CHD6: variants seen among roughly 807,000 people sequenced by gnomAD.
CHD6 encodes the protein chromodomain helicase DNA binding protein 6, also known as ATP-dependent chromatin remodeler CHD6.
A neutral mutation model predicts 276.9 loss-of-function variants in CHD6; 50 were observed. That is an observed-to-expected ratio of 0.18 (90% CI 0.14 to 0.23). The LOEUF (loss-of-function observed/expected upper bound fraction) is 0.23. Ranked by LOEUF, CHD6 falls within the 10% of genes least tolerant of loss-of-function variation. The pLI, the probability that CHD6 is intolerant of heterozygous loss-of-function variation, is 1.00. For missense variants in CHD6, 2,564 were observed against 3,365.8 expected, an observed-to-expected ratio of 0.76 and a Z score of 5.89; for synonymous variants, 1,173 against 1,229.3, an observed-to-expected ratio of 0.95 and a Z score of 0.96.
intron 27 of CHD6, among the ~76,000 whole-genome samples, chr20:41,435,568 C>T (rs2047679553): frequency 6.8e-6 from 1 of 147,872 alleles, no homozygotes; most frequent in African/African-American, 2.5e-5. Flanking sequence ...TGCATCACCA[C>T]ACTCCAGTCT....
At chr20:41,589,530 G>C (rs546174391) in intron 1 of CHD6, among the ~76,000 whole-genome samples, 15 of 152,288 alleles carry the variant, frequency 9.8e-5, no homozygotes, top group Admixed American at 5.2e-4. Context: ...TCGCAGGATA[G>C]AAAATCAATG....
intron 1 of CHD6, among the ~76,000 whole-genome samples, chr20:41,552,409 TAAGATTA>T (rs2045159772): frequency 6.6e-6 from 1 of 152,248 alleles, no homozygotes; most frequent in Non-Finnish European, 1.5e-5. Flanking sequence ...ATTAGAGCTT[TAAGATTA>T]AAGTGAGATA....
chr20:41,457,480 G>A lies in CHD6; in HGVS notation c.2665-52C>T, dbSNP rs780379442. The A allele has an allele frequency of 2.5e-6, 4 of 1,571,000 alleles. No homozygotes were observed. In the African/African-American group the frequency reaches 5.4e-5, roughly 21 times the overall value. On this transcript the variant is annotated intron_variant, in intron 17 of 36. Transcript: ENST00000373233. ...CACGTCACCGTATGTATAAACGGCAGCAACCCTGGGAATAGGGGAGTGCTT... is the reference window on the plus strand; with the variant it reads ...CACGTCACCGTATGTATAAACGGCAACAACCCTGGGAATAGGGGAGTGCTT...
chr20:41,586,259 C>T (rs1002573409), intron 1 of CHD6, among the ~76,000 whole-genome samples: 31 of 152,222 alleles, frequency 2.0e-4, no homozygotes, highest in African/African-American at 6.5e-4. Flanking sequence ...TACTGCTGAA[C>T]GCCGTCACAA....
In CHD6 at chr20:41,446,428, C is replaced by T. The variant is rs539445413; in HGVS notation, c.3774-660G>A. Among the ~76,000 whole-genome samples the T allele has an allele frequency of 2.3e-3, 292 of 126,314 alleles. 1 individual carries two copies. The highest frequency in any genetic ancestry group is 0.011 in the African/African-American group (274 of 24,594). 82.9% of individuals were successfully genotyped at this position (126,314 alleles called of 152,430 possible). A position where few individuals can be genotyped will look rare whatever the true frequency, so the allele number is the denominator to read the frequency against. ...GGCACAGACATGCAGGTGTTAGCCC[C>T]TCTCTGAGTTTCTGTAACGTGTTTG... On this transcript the variant is annotated intron_variant, in intron 24 of 36. Transcript: ENST00000373233.
intron 2 of CHD6, 85 bp downstream of exon 2, chr20:41,551,220 A>G (rs1349406572): frequency 2.3e-6 from 2 of 868,138 alleles, no homozygotes; most frequent in Non-Finnish European, 3.9e-6. Context: ...ATTAAGGGAT[A>G]AGCCAACACT....
In CHD6 at chr20:41,421,356, A is replaced by G. The variant is rs138633250; in HGVS notation, c.5279T>C (p.Phe1760Ser). Reference sequence around the variant, plus strand: ...TCCTCCTGCTTCTAAGCTACCCATAAAAGTAGGGCCAGAAGCTATTTCTGC... The same window carrying G: ...TCCTCCTGCTTCTAAGCTACCCATAGAAGTAGGGCCAGAAGCTATTTCTGC... ...PEAEIASGPT[F>S]MGSLEAGGVA... Residue 1760 changes from phenylalanine to serine, a missense_variant, in exon 31 of 37, where the codon TTT (phenylalanine) becomes TCT (serine). Around this residue, in one of 7 missense-constraint regions of CHD6, gnomAD observed 1,024 missense variants for 1,047.9 expected, o/e 0.98. Coordinates refer to ENST00000373233, the MANE Select transcript of CHD6 (RefSeq NM_032221.5). 6.2e-7 allele frequency: 1 copy of G among 1,613,876 alleles called. No homozygotes were observed. The highest frequency in any genetic ancestry group is 1.3e-5 in the African/African-American group (1 of 74,912).
intron 31 of CHD6, among the ~76,000 whole-genome samples, chr20:41,419,112 T>C (rs939735095): frequency 6.6e-5 from 10 of 152,200 alleles, no homozygotes; most frequent in African/African-American, 2.4e-4. Flanking sequence ...GGATCAGGCA[T>C]AGTTGTAGAC....
At chr20:41,475,750 G>T (rs562957562) in intron 16 of CHD6, among the ~76,000 whole-genome samples, 1 of 152,186 alleles carries the variant, frequency 6.6e-6, no homozygotes, top group Non-Finnish European at 1.5e-5. Context: ...AACACCCCTA[G>T]TCATCAGAGT....
At chr20:41,552,066 T>G (rs190451495) in intron 1 of CHD6, among the ~76,000 whole-genome samples, 34 of 152,302 alleles carry the variant, frequency 2.2e-4, no homozygotes, top group African/African-American at 7.5e-4. Flanking sequence ...CAAAAGTGTG[T>G]CGGGGCATTT....
intron 1 of CHD6, among the ~76,000 whole-genome samples, chr20:41,594,242 G>A (rs2045694444): frequency 6.6e-6 from 1 of 152,116 alleles, no homozygotes; most frequent in Admixed American, 6.5e-5. Context: ...TCTCCACTAT[G>A]GTATTTTCAG....
intron 25 of CHD6, among the ~76,000 whole-genome samples, chr20:41,442,883 G>T (rs1279249266): frequency 6.6e-6 from 1 of 152,188 alleles, no homozygotes; most frequent in Admixed American, 6.5e-5. Flanking sequence ...CATCTAAGTT[G>T]ACTCCAATGT....
chr20:41,403,308 G>T lies in CHD6; in HGVS notation c.*1285C>A, dbSNP rs1243266459. 1.9e-5 allele frequency: 20 copies of T among 1,063,374 alleles called. No homozygotes were observed. Among genetic ancestry groups the T allele is most frequent in the Non-Finnish European group, 2.2e-5 (19 of 877,842 alleles). The allele number at this position is 1,063,374 out of a possible 1,614,324, so 65.9% of individuals were successfully genotyped here. A position where few individuals can be genotyped will look rare whatever the true frequency, so the allele number is the denominator to read the frequency against. On this transcript the variant is annotated 3_prime_UTR_variant, in exon 37 of 37. Coordinates refer to ENST00000373233, the MANE Select transcript of CHD6 (RefSeq NM_032221.5). ...GAGCTTACTTCAAGTCTCAGAGTGT[G>T]AACTACCTGTGAAGAGTGAGACCAT...
rs549917707 is a variant in CHD6, at chr20:41,415,154, A to C, written c.6939+32T>G. 2.5e-6 allele frequency: 4 copies of C among 1,577,382 alleles called. No homozygotes were observed. The South Asian group carries it at 4.7e-5, about 18-fold the overall frequency. On this transcript the variant is annotated intron_variant, in intron 34 of 36. Coordinates refer to ENST00000373233, the MANE Select transcript of CHD6 (RefSeq NM_032221.5). The stretch of plus-strand genomic sequence containing the variant: ...GTTTGTTTCTCAGTGTAGAAAGGTA[A>C]ATGTTTTTAATCTAATGACCTCAAT...
intron 17 of CHD6, among the ~76,000 whole-genome samples, chr20:41,459,161 A>G (rs1427815616): frequency 2.0e-5 from 3 of 152,118 alleles, no homozygotes; most frequent in African/African-American, 7.2e-5. Context: ...ATCCCTGGAT[A>G]TGGAAGCCCC....
At chr20:41,495,166 T>C (rs1258243101) in intron 8 of CHD6, among the ~76,000 whole-genome samples, 1 of 152,196 alleles carries the variant, frequency 6.6e-6, no homozygotes, top group Non-Finnish European at 1.5e-5. Flanking sequence ...CATTGTGTCC[T>C]TTATTATTCA....
intron 1 of CHD6, among the ~76,000 whole-genome samples, chr20:41,612,364 C>A (rs1273125901): frequency 1.3e-5 from 2 of 152,140 alleles, no homozygotes; most frequent in African/African-American, 4.8e-5. Context: ...TGCATTTTTA[C>A]AACTCAAGGC....
Position 41,437,207 on chromosome 20 carries a change from C to T in CHD6, c.4068+67G>A, listed in dbSNP as rs1163678845. On this transcript the variant is annotated intron_variant, in intron 27 of 36. Transcript: ENST00000373233. ...CAATCAAGTTCCCCCAGATCACTAC[C>T]AAGATAGGGATTTCTTTCTTAATAT... is the stretch of plus-strand genomic sequence containing the variant. 24 of 1,227,544 alleles carry T rather than the reference C, an allele frequency of 2.0e-5. No individual in the cohort carries two copies. In the East Asian group the frequency reaches 5.6e-4, roughly 29 times the overall value. The allele number at this position is 1,227,544 out of a possible 1,614,324, so 76.0% of individuals were successfully genotyped here.
At chr20:41,477,136 G>A (rs935564498) in intron 16 of CHD6, among the ~76,000 whole-genome samples, 1 of 152,130 alleles carries the variant, frequency 6.6e-6, no homozygotes, top group Non-Finnish European at 1.5e-5. Flanking sequence ...AGCTACTCAG[G>A]AGGAGTAGGT....
Sources: gnomAD v4.1 joint callset for allele counts (sites outside exome capture counted in the v4.1 genomes callset) on GRCh38, gnomAD v4.1.1 for gene constraint, gnomAD v4.1.1 regional missense constraint, MANE v1.5 for transcripts, NCBI Gene and HGNC (gene_info 2026-07-23, HGNC 2026-07-21) for gene names.